The following MCTP2 variants were observed in gnomAD, a reference collection of about 807,000 sequenced individuals.
The protein encoded by MCTP2 is multiple C2 and transmembrane domain containing 2.
MCTP2 carries 132 observed loss-of-function variants against 111.6 expected under a neutral mutation model. The ratio of observed to expected loss-of-function variants is 1.18; its 90% CI spans 1.03 to 1.37. The LOEUF (loss-of-function observed/expected upper bound fraction) is 1.37. MCTP2 is among the 40% of genes most tolerant of loss of function. MCTP2 has a pLI of 0.00. For missense variants in MCTP2, 1,183 were observed against 1,067.9 expected, an observed-to-expected ratio of 1.11 and a Z score of -1.50; for synonymous variants, 395 against 387.7, an observed-to-expected ratio of 1.02 and a Z score of -0.22.
At chr15:94,309,481 GT>G (rs2076032843) in intron 2 of MCTP2, among the ~76,000 whole-genome samples, 1 of 152,196 alleles carries the variant, frequency 6.6e-6, no homozygotes, top group South Asian at 2.1e-4. Flanking sequence ...TAAACAAACA[GT>G]GACTGCTTAC....
intron 16 of MCTP2, 76 bp from the exon 17 acceptor site, chr15:94,401,824 G>T (rs537832994): frequency 8.7e-7 from 1 of 1,153,084 alleles, no homozygotes; most frequent in South Asian, 1.7e-5. Flanking sequence ...TAATTTAAAT[G>T]ATCAGGGTAC....
At chr15:94,378,854 C>A (rs1159844548) in intron 12 of MCTP2, among the ~76,000 whole-genome samples, 1 of 152,144 alleles carries the variant, frequency 6.6e-6, no homozygotes, top group Non-Finnish European at 1.5e-5. Context: ...ATTTCATTTT[C>A]TTTTAAAGGC....
chr15:94,360,515 C>T (rs1363459515), intron 10 of MCTP2, among the ~76,000 whole-genome samples: 3 of 152,178 alleles, frequency 2.0e-5, no homozygotes, highest in African/African-American at 7.2e-5. Flanking sequence ...TACGCAAATT[C>T]AGAGAACTCT....
intron 17 of MCTP2, chr15:94,403,246 A>G: frequency 1.0e-6 from 1 of 985,004 alleles, no homozygotes; most frequent in Non-Finnish European, 1.2e-6. Flanking sequence ...AAACACTAAT[A>G]AAGGTTTTAT....
At chr15:94,322,131 A>G (rs984899470) in intron 4 of MCTP2, among the ~76,000 whole-genome samples, 1 of 152,208 alleles carries the variant, frequency 6.6e-6, no homozygotes, top group Non-Finnish European at 1.5e-5. Flanking sequence ...TTATTTTCCT[A>G]TGTGGAATCA....
chr15:94,314,332 TGAA>T lies in MCTP2; in HGVS notation c.520_522del (p.Glu174del). ...ATGCTTCTATGACATCTCAACATTT[TGAA>T]GAACAATCTGTGAGTGGCATTCCTT... On this transcript the variant is annotated inframe_deletion, in exon 3 of 23. Transcript: ENST00000357742. The T allele has an allele frequency of 6.2e-7, 1 of 1,606,352 alleles. No homozygotes were observed. Among genetic ancestry groups the T allele is most frequent in the Non-Finnish European group, 8.5e-7 (1 of 1,175,554 alleles).
chr15:94,358,586 CAA>C lies in MCTP2; in HGVS notation c.1279_1280del (p.Lys427AlafsTer2). The C allele has an allele frequency of 6.2e-7, 1 of 1,613,694 alleles. No homozygotes were observed. Among genetic ancestry groups the C allele is most frequent in the Non-Finnish European group, 8.5e-7 (1 of 1,179,754 alleles). On this transcript the variant is annotated frameshift_variant, in exon 10 of 23. Coordinates refer to ENST00000357742, the MANE Select transcript of MCTP2 (RefSeq NM_001385001.1). LOFTEE classifies it high-confidence loss of function. ...LDIEVWGKDN[K>X]KHEERLGTCK... ...ACATTGAAGTGTGGGGAAAGGACAA[CAA>C]AAAGCATGAGGAACGTCTGGGCACG... is the stretch of plus-strand genomic sequence containing the variant.
intron 20 of MCTP2, among the ~76,000 whole-genome samples, chr15:94,465,699 A>G (rs921197775): frequency 3.9e-5 from 6 of 152,194 alleles, no homozygotes; most frequent in Non-Finnish European, 5.9e-5. Context: ...AGAATTAATG[A>G]TGCTTACGAT....
At chr15:94,370,353 A>C (rs2079417914) in intron 12 of MCTP2, among the ~76,000 whole-genome samples, 173 bp downstream of exon 12, 1 of 152,206 alleles carries the variant, frequency 6.6e-6, no homozygotes, top group Admixed American at 6.5e-5. Context: ...CACATAAAGC[A>C]CCTATTTACA....
intron 4 of MCTP2, among the ~76,000 whole-genome samples, chr15:94,326,813 G>GCCC (rs1358678233): frequency 0.017 from 646 of 38,996 alleles, 6 homozygotes; most frequent in African/African-American, 0.035. Context: ...GGTGATCCCC[G>GCCC]CCCCACCCCC....
intron 14 of MCTP2, among the ~76,000 whole-genome samples, chr15:94,397,730 A>G (rs1005108827): frequency 1.3e-5 from 2 of 152,180 alleles, no homozygotes; most frequent in Non-Finnish European, 2.9e-5. Flanking sequence ...ACTCATTTCT[A>G]CCACTGTTTA....
At chr15:94,366,149 A>T (rs11858398) in intron 10 of MCTP2, among the ~76,000 whole-genome samples, 6 of 152,048 alleles carry the variant, frequency 3.9e-5, no homozygotes, top group Admixed American at 2.6e-4. Flanking sequence ...CTATATTTTC[A>T]TAGATAGTAA....
intron 14 of MCTP2, among the ~76,000 whole-genome samples, chr15:94,386,774 T>G (rs900856823): frequency 1.3e-5 from 2 of 152,094 alleles, no homozygotes; most frequent in Non-Finnish European, 2.9e-5. Flanking sequence ...TTTCACTTTT[T>G]TTATTCCTTG....
chr15:94,460,348 G>T (rs1000442094), intron 20 of MCTP2, among the ~76,000 whole-genome samples: 1 of 152,184 alleles, frequency 6.6e-6, no homozygotes, highest in Non-Finnish European at 1.5e-5. Flanking sequence ...CAAAGCCCAA[G>T]ACTATGTGGG....
chr15:94,271,955 T>C lies in MCTP2; in HGVS notation c.-65-26246T>C, dbSNP rs1055134289. Among the ~76,000 whole-genome samples, 5 of 152,356 alleles carry C rather than the reference T, an allele frequency of 3.3e-5. No individual in the cohort carries two copies. In the South Asian group the frequency reaches 1.0e-3, roughly 32 times the overall value. On this transcript the variant is annotated intron_variant, in intron 1 of 22. Coordinates refer to ENST00000357742, the MANE Select transcript of MCTP2 (RefSeq NM_001385001.1). ...GATTTTGTACTGGAAATTAATACCT[T>C]TGCCTCCTACTATCCTTATTCCGGT...
intron 20 of MCTP2, among the ~76,000 whole-genome samples, chr15:94,463,492 AGATTATTATTCTG>A (rs970131962): frequency 2.0e-5 from 3 of 152,144 alleles, no homozygotes; most frequent in Non-Finnish European, 4.4e-5. Flanking sequence ...TTTTATATGA[AGATTATTATTCTG>A]GATTTTTTTC....
chr15:94,456,999 G>A (rs1472216626), intron 19 of MCTP2, among the ~76,000 whole-genome samples: 1 of 152,204 alleles, frequency 6.6e-6, no homozygotes, highest in African/African-American at 2.4e-5. Flanking sequence ...GATACAAGAG[G>A]AAAATGATTT....
At chr15:94,314,131 C>T (rs1427786344) in intron 2 of MCTP2, 151 bp from the exon 3 acceptor site, 4 of 590,348 alleles carry the variant, frequency 6.8e-6, no homozygotes, top group South Asian at 4.5e-5. Flanking sequence ...GCATCCACGT[C>T]TCCTTGCCAC....
intron 12 of MCTP2, among the ~76,000 whole-genome samples, chr15:94,372,777 TA>T (rs140443074): frequency 2.2e-4 from 33 of 148,380 alleles, no homozygotes; most frequent in African/African-American, 5.2e-4. Flanking sequence ...ACCCACAAAT[TA>T]AAAAAAAAAG....
Sources: allele counts gnomAD v4.1 joint callset (sites outside exome capture counted in the v4.1 genomes callset), GRCh38; gene constraint gnomAD v4.1.1; transcripts MANE v1.5; gene names NCBI Gene and HGNC (gene_info 2026-07-23, HGNC 2026-07-21).